Variants in DEPTOR observed in about 807,000 individuals in gnomAD.
DEPTOR encodes the protein DEP domain-containing mTOR-interacting protein.
DEPTOR carries 41 observed loss-of-function variants against 41.6 expected under a neutral mutation model. That is an observed-to-expected ratio of 0.98 (90% confidence interval 0.77 to 1.28). DEPTOR has a LOEUF of 1.28. DEPTOR is among the 50% of genes most tolerant of loss of function. The pLI is 0.00. For synonymous variants in DEPTOR, 195 were observed against 192.3 expected (o/e 1.01, Z -0.12); for missense variants, 514 against 527.9 (o/e 0.97, Z 0.26).
chr8:119,962,367 G>C (rs1184299291), intron 3 of DEPTOR, among the ~76,000 whole-genome samples: 4 of 152,110 alleles, frequency 2.6e-5, no homozygotes, highest in Non-Finnish European at 5.9e-5. Flanking sequence ...CACAGAAACT[G>C]TACAGGGAGC....
intron 4 of DEPTOR, among the ~76,000 whole-genome samples, chr8:119,991,047 TTTC>T (rs1563584574): frequency 4.8e-5 from 1 of 20,634 alleles, no homozygotes; most frequent in Non-Finnish European, 1.0e-4. Context: ...TCTTTCTTTC[TTTC>T]TTTCTTTCTT....
rs1340411545 is a variant in DEPTOR, at chr8:119,881,961, G to T, written c.122+7993G>T. Among the ~76,000 whole-genome samples, 24 of 152,128 alleles carry T rather than the reference G, an allele frequency of 1.6e-4. 1 individual carries two copies. The highest frequency in any genetic ancestry group is 1.6e-3 in the Admixed American group (24 of 15,256). On this transcript the variant is annotated intron_variant, in intron 1 of 8. Transcript: ENST00000286234. Reference sequence around the variant, plus strand: ...GGTGGTGTGCAGTGGTGCAATCGCGGCTCACTGCAACCTCTGCCTCCCAGG... The same window carrying T: ...GGTGGTGTGCAGTGGTGCAATCGCGTCTCACTGCAACCTCTGCCTCCCAGG...
chr8:119,965,913 A>G (rs1297706314), intron 4 of DEPTOR, among the ~76,000 whole-genome samples: 1 of 152,202 alleles, frequency 6.6e-6, no homozygotes, highest in East Asian at 1.9e-4. Context: ...GGGCCAAATC[A>G]TAATGATGCA....
At chr8:119,998,191 C>T (rs1312856504) in intron 4 of DEPTOR, among the ~76,000 whole-genome samples, 2 of 152,176 alleles carry the variant, frequency 1.3e-5, no homozygotes, top group African/African-American at 4.8e-5. Flanking sequence ...CAGGCTCAAG[C>T]GATCCTCCCA....
chr8:119,938,762 G>A (rs966669218), intron 3 of DEPTOR, among the ~76,000 whole-genome samples: 2 of 151,780 alleles, frequency 1.3e-5, no homozygotes, highest in East Asian at 1.9e-4. Context: ...TGCCTGCCTC[G>A]GCCTCCCAAA....
intron 8 of DEPTOR, among the ~76,000 whole-genome samples, chr8:120,044,883 C>T (rs1043949632): frequency 2.6e-5 from 4 of 152,146 alleles, no homozygotes; most frequent in African/African-American, 9.7e-5. Context: ...TTGTAAGCTT[C>T]GTGAAGGCAA....
chr8:119,913,736 G>T (rs565874393), intron 1 of DEPTOR, among the ~76,000 whole-genome samples: 2 of 152,220 alleles, frequency 1.3e-5, no homozygotes, highest in South Asian at 2.1e-4. Flanking sequence ...GTCTTAGTTG[G>T]GTGAGAGGTC....
chr8:120,031,690 C>T (rs1004280497), intron 8 of DEPTOR, among the ~76,000 whole-genome samples: 1 of 152,072 alleles, frequency 6.6e-6, no homozygotes, highest in African/African-American at 2.4e-5. Flanking sequence ...TCATCTTTGC[C>T]TTAAACTTCC....
rs551972499 is a variant in DEPTOR at position 120,043,489 on chromosome 8, G to A, written c.1102-6087G>A. 3.3e-5 allele frequency among the ~76,000 whole-genome samples: 5 copies of A among 152,194 alleles called. No homozygotes were observed. In the South Asian group the frequency reaches 8.3e-4, roughly 25 times the overall value. On this transcript the variant is annotated intron_variant, in intron 8 of 8. Coordinates refer to ENST00000286234, the MANE Select transcript of DEPTOR (RefSeq NM_022783.4). ...CTGAAAGAAGCTAAACATCAACACC[G>A]TAAGATATTTGAGTGGCCCTAGGGA...
chr8:119,921,597 T>A (rs1827894445), intron 1 of DEPTOR, among the ~76,000 whole-genome samples: 1 of 152,154 alleles, frequency 6.6e-6, no homozygotes, highest in South Asian at 2.1e-4. Flanking sequence ...AACATGGAAA[T>A]GTACCAGGAC....
At chr8:120,023,433 G>A (rs2001252) in intron 8 of DEPTOR, among the ~76,000 whole-genome samples, 17,681 of 151,876 alleles carry the variant, frequency 0.12, 1,368 homozygotes, top group African/African-American at 0.21. Context: ...TAGATACGGG[G>A]CCACCACGCC....
chr8:119,897,267 G>A (rs1827532146), intron 1 of DEPTOR, among the ~76,000 whole-genome samples: 1 of 152,114 alleles, frequency 6.6e-6, no homozygotes, highest in Non-Finnish European at 1.5e-5. Context: ...GGGAGCGGTG[G>A]CCCACACCTG....
chr8:119,966,440 C>T (rs1018911563), intron 4 of DEPTOR, among the ~76,000 whole-genome samples: 25 of 152,286 alleles, frequency 1.6e-4, no homozygotes, highest in African/African-American at 6.0e-4. Context: ...AACACTTTCC[C>T]CTTTGCCCTC....
intron 4 of DEPTOR, among the ~76,000 whole-genome samples, chr8:119,979,924 A>G (rs1318450380): frequency 6.6e-6 from 1 of 152,172 alleles, no homozygotes; most frequent in Non-Finnish European, 1.5e-5. Context: ...TGGGGGAGAT[A>G]GTGTGAGAAA....
chr8:119,881,237 A>C (rs1037883357), intron 1 of DEPTOR, among the ~76,000 whole-genome samples: 1 of 152,190 alleles, frequency 6.6e-6, no homozygotes, highest in African/African-American at 2.4e-5. Flanking sequence ...AAAGGTAAAA[A>C]CAGGCCAGGT....
intron 4 of DEPTOR, among the ~76,000 whole-genome samples, chr8:119,966,420 G>A (rs1828562303): frequency 6.6e-6 from 1 of 152,214 alleles, no homozygotes; most frequent in Non-Finnish European, 1.5e-5. Flanking sequence ...ATACATGTAA[G>A]GGCCAAGAGA....
intron 1 of DEPTOR, among the ~76,000 whole-genome samples, chr8:119,895,087 C>T (rs1233961914): frequency 6.6e-6 from 1 of 152,154 alleles, no homozygotes; most frequent in Non-Finnish European, 1.5e-5. Context: ...TGATAATCTT[C>T]CTGGATAAAG....
intron 8 of DEPTOR, among the ~76,000 whole-genome samples, chr8:120,018,113 T>C (rs558685252): frequency 1.3e-3 from 197 of 152,314 alleles, no homozygotes; most frequent in African/African-American, 4.5e-3. Context: ...AACTGTCTAT[T>C]TCATGGAATT....
In DEPTOR at chr8:120,002,986, G is replaced by A. The variant is rs558864064; in HGVS notation, c.800G>A (p.Ser267Asn). ...KSTSFMSVSP[S>N]KEIKIVSAVR... Reference sequence around the variant, plus strand: ...TCTCTGGCCTACACAGTGAGCCCCAGCAAGGAGATCAAGATCGTGTCTGCA... The same window carrying A: ...TCTCTGGCCTACACAGTGAGCCCCAACAAGGAGATCAAGATCGTGTCTGCA... The change falls in exon 6 of 9, where the codon AGC (serine) becomes AAC (asparagine). Residue 267 changes from serine to asparagine, a missense_variant. By Grantham distance (46) the Ser-to-Asn change is conservative. Coordinates refer to ENST00000286234, the MANE Select transcript of DEPTOR (RefSeq NM_022783.4). 7.6e-6 allele frequency: 12 copies of A among 1,569,182 alleles called. No individual in the cohort carries two copies. The highest frequency in any genetic ancestry group is 1.0e-5 in the Non-Finnish European group (12 of 1,157,740).
Sources: gnomAD v4.1 joint callset for allele counts (sites outside exome capture counted in the v4.1 genomes callset) on GRCh38, gnomAD v4.1.1 for gene constraint, MANE v1.5 for transcripts, NCBI Gene and HGNC (gene_info 2026-07-23, HGNC 2026-07-21) for gene names.